SDK1: variants seen among roughly 807,000 people sequenced by gnomAD.
SDK1 encodes protein sidekick-1.
Under a neutral mutation model 245.5 loss-of-function variants are expected in SDK1, and 157 were observed. That is an observed-to-expected ratio of 0.64 (90% confidence interval 0.56 to 0.73). The LOEUF is 0.73. Ranked by LOEUF, SDK1 falls within the 30% of genes least tolerant of loss-of-function variation. The pLI, the probability that SDK1 is intolerant of heterozygous loss-of-function variation, is 0.00. For missense variants in SDK1, 3,583 were observed against 3,002.3 expected (o/e 1.19, Z -4.52); for synonymous variants, 1,647 against 1,278.5 (o/e 1.29, Z -6.15).
rs180980645 is a variant in SDK1 at position 3,701,993 on chromosome 7, A to G, written c.713+59888A>G. On this transcript the variant is annotated intron_variant, in intron 4 of 44. Coordinates refer to ENST00000404826, the MANE Select transcript of SDK1 (RefSeq NM_152744.4). ...GACCTACACCCTAATCTTTATATAA[A>G]AATTTACTTAAAGTGTGTTGGATTA... Among the ~76,000 whole-genome samples the G allele has an allele frequency of 1.3e-3, 191 of 152,172 alleles. 2 individuals are homozygous for G. Among genetic ancestry groups the G allele is most frequent in the African/African-American group, 4.5e-3 (185 of 41,546 alleles).
At chr7:4,168,806 G>C (rs1781657279) in intron 32 of SDK1, among the ~76,000 whole-genome samples, 1 of 152,162 alleles carries the variant, frequency 6.6e-6, no homozygotes, top group Non-Finnish European at 1.5e-5. Context: ...CCTGCTGTAA[G>C]CTTTTGATCT....
chr7:4,234,120 G>A (rs1170769710), intron 41 of SDK1, among the ~76,000 whole-genome samples: 6 of 152,332 alleles, frequency 3.9e-5, no homozygotes, highest in South Asian at 2.1e-4. Context: ...AAGAGGTCAC[G>A]TCTTCCTGGG....
chr7:3,842,815 C>T (rs1217212907), intron 5 of SDK1, among the ~76,000 whole-genome samples: 1 of 152,074 alleles, frequency 6.6e-6, no homozygotes, highest in Admixed American at 6.5e-5. Context: ...TAGGGCAGAG[C>T]TATCTGAATC....
intron 35 of SDK1, among the ~76,000 whole-genome samples, chr7:4,194,053 T>G (rs150993336): frequency 6.6e-6 from 1 of 152,244 alleles, no homozygotes; most frequent in Non-Finnish European, 1.5e-5. Context: ...TTTTTGGATC[T>G]AATCATATTA....
chr7:3,586,185 G>A (rs1291540156), intron 1 of SDK1, among the ~76,000 whole-genome samples: 1 of 151,970 alleles, frequency 6.6e-6, no homozygotes, highest in East Asian at 1.9e-4. Flanking sequence ...ACCCAGAGGT[G>A]CCTTGGGTGA....
chr7:4,213,133 G>C (rs1232929568), intron 38 of SDK1, among the ~76,000 whole-genome samples: 1 of 152,018 alleles, frequency 6.6e-6, no homozygotes, highest in Admixed American at 6.6e-5. Context: ...ACAAAAATTG[G>C]CTGGGTGCAG....
chr7:4,255,449 A>C (rs917318592), intron 44 of SDK1, among the ~76,000 whole-genome samples: 2 of 152,198 alleles, frequency 1.3e-5, no homozygotes, highest in African/African-American at 4.8e-5. Flanking sequence ...TTGAGAGGGC[A>C]GTCCCTGGAC....
At chr7:3,906,924 C>G (rs1778968272) in intron 5 of SDK1, among the ~76,000 whole-genome samples, 1 of 152,118 alleles carries the variant, frequency 6.6e-6, no homozygotes, top group African/African-American at 2.4e-5. Context: ...GCCACCGTAC[C>G]CTGCCTCTGT....
intron 5 of SDK1, among the ~76,000 whole-genome samples, chr7:3,864,621 G>A (rs1263789787): frequency 6.6e-6 from 1 of 152,152 alleles, no homozygotes; most frequent in Non-Finnish European, 1.5e-5. Flanking sequence ...AGGACGTGAG[G>A]GGCACAGCTG....
chr7:3,436,131 G>A (rs1477375720), intron 1 of SDK1, among the ~76,000 whole-genome samples: 3 of 152,104 alleles, frequency 2.0e-5, no homozygotes, highest in African/African-American at 7.2e-5. Flanking sequence ...TAACATTAAT[G>A]AACACTGAAG....
Position 4,130,040 on chromosome 7 carries a change from C to G in SDK1, c.4072C>G (p.Arg1358Gly), listed in dbSNP as rs750782781. ...CGAGCTCCAGGTGCTGGCGTTCACC[C>G]GCATCGGGAACGGGGTCCCCAGCAC... ...LYELQVLAFT[R>G]IGNGVPSTPL... Residue 1358 changes from arginine to glycine, a missense_variant, in exon 27 of 45, where the codon CGC becomes GGC. By Grantham distance (125) the Arg-to-Gly change is moderately radical. Coordinates refer to ENST00000404826, the MANE Select transcript of SDK1 (RefSeq NM_152744.4). 6.2e-7 allele frequency: 1 copy of G among 1,613,130 alleles called. No individual in the cohort carries two copies. Among genetic ancestry groups the G allele is most frequent in the Admixed American group, 1.7e-5 (1 of 59,966 alleles).
At chr7:4,220,515 G>T (rs201357593) in intron 39 of SDK1, among the ~76,000 whole-genome samples, 154 of 140,514 alleles carry the variant, frequency 1.1e-3, no homozygotes, top group African/African-American at 2.5e-3. Context: ...AGTTTTAGTT[G>T]TTTTTTTTTT....
intron 1 of SDK1, among the ~76,000 whole-genome samples, chr7:3,394,499 C>G (rs1213230260): frequency 6.6e-6 from 1 of 151,750 alleles, no homozygotes; most frequent in Non-Finnish European, 1.5e-5. Flanking sequence ...TTTGATTATT[C>G]TAAATGTTTT....
chr7:4,008,347 C>T (rs934698037), intron 14 of SDK1, among the ~76,000 whole-genome samples: 6 of 152,216 alleles, frequency 3.9e-5, no homozygotes, highest in African/African-American at 9.6e-5. Flanking sequence ...AGTGAACACA[C>T]GAACAAAAGA....
rs114012563 is a variant in SDK1 at position 3,786,789 on chromosome 7, T to C, written c.714-34661T>C. Among the ~76,000 whole-genome samples, 406 of 152,234 alleles carry C rather than the reference T, an allele frequency of 2.7e-3. 1 individual carries two copies. The highest frequency in any genetic ancestry group is 9.5e-3 in the African/African-American group (394 of 41,540). ...TGCCTGTGCTTTACAGTTTTCCTTTTTAAAACAAGTTTTGAGGAATACACC... is the reference window on the plus strand; with the variant it reads ...TGCCTGTGCTTTACAGTTTTCCTTTCTAAAACAAGTTTTGAGGAATACACC... On this transcript the variant is annotated intron_variant, in intron 4 of 44. Coordinates refer to ENST00000404826, the MANE Select transcript of SDK1 (RefSeq NM_152744.4).
chr7:3,504,055 C>T lies in SDK1; in HGVS notation c.299-115025C>T, dbSNP rs564486845. On this transcript the variant is annotated intron_variant, in intron 1 of 44. Transcript: ENST00000404826. ...GTCTCAGCTACTCGGGAGGCTGAGGCAGGAGAATTGCTTGAACCCGGGAGG... is the reference window on the plus strand; with the variant it reads ...GTCTCAGCTACTCGGGAGGCTGAGGTAGGAGAATTGCTTGAACCCGGGAGG... 4.4e-4 allele frequency among the ~76,000 whole-genome samples: 67 copies of T among 151,650 alleles called. 1 individual carries two copies. Among genetic ancestry groups the T allele is most frequent in the Middle Eastern group, 3.4e-3 (1 of 294 alleles).
At chr7:3,514,117 A>G (rs1401297582) in intron 1 of SDK1, among the ~76,000 whole-genome samples, 5 of 152,154 alleles carry the variant, frequency 3.3e-5, no homozygotes, top group Non-Finnish European at 7.4e-5. Context: ...GAAGAGAGGG[A>G]CGACAAGACA....
chr7:3,850,254 C>G (rs1467343959), intron 5 of SDK1, among the ~76,000 whole-genome samples: 2 of 152,134 alleles, frequency 1.3e-5, no homozygotes, highest in Non-Finnish European at 2.9e-5. Context: ...CCTCATCTGT[C>G]AAAGGGGACA....
chr7:4,178,662 A>G (rs1008054538), intron 35 of SDK1, 76 bp downstream of exon 35: 5 of 1,042,786 alleles, frequency 4.8e-6, no homozygotes, highest in Non-Finnish European at 4.4e-6. Flanking sequence ...GCTGCGGCCA[A>G]GCCCCTCAGG....
Sources: allele counts gnomAD v4.1 joint callset (sites outside exome capture counted in the v4.1 genomes callset), GRCh38; gene constraint gnomAD v4.1.1; transcripts MANE v1.5; gene names NCBI Gene and HGNC (gene_info 2026-07-23, HGNC 2026-07-21).